DAB1: variants seen among roughly 807,000 people sequenced by gnomAD.
The protein encoded by DAB1 is DAB adaptor protein 1.
Under a neutral mutation model 64.6 loss-of-function variants are expected in DAB1, and 15 were observed. The ratio of observed to expected loss-of-function variants is 0.23; its 90% CI spans 0.16 to 0.36. The LOEUF (loss-of-function observed/expected upper bound fraction) is 0.36. Ranked by LOEUF, DAB1 falls within the 10% of genes least tolerant of loss-of-function variation. The pLI, the probability that DAB1 is intolerant of heterozygous loss-of-function variation, is 1.00. For missense variants in DAB1, 596 were observed against 706.7 expected, an observed-to-expected ratio of 0.84 and a Z score of 1.78; for synonymous variants, 235 against 251.9, an observed-to-expected ratio of 0.93 and a Z score of 0.64.
At chr1:57,060,120 T>C (rs972145111) in intron 9 of DAB1, among the ~76,000 whole-genome samples, 4 of 78,972 alleles carry the variant, frequency 5.1e-5, no homozygotes, top group African/African-American at 1.0e-4. Context: ...GAGTCATTCA[T>C]ATATTTTTTA....
chr1:57,222,729 C>T (rs1167700280), intron 2 of DAB1, among the ~76,000 whole-genome samples: 1 of 152,112 alleles, frequency 6.6e-6, no homozygotes, highest in African/African-American at 2.4e-5. Context: ...TACACGAGAC[C>T]CATTGTCATA....
At chr1:57,002,995 C>A (rs1193541614) in intron 14 of DAB1, among the ~76,000 whole-genome samples, 1 of 152,208 alleles carries the variant, frequency 6.6e-6, no homozygotes, top group African/African-American at 2.4e-5. Context: ...TTTATCCTCC[C>A]TTTATAGACA....
At chr1:58,039,579 C>T (rs539214328) in intron 5 of DAB1, among the ~76,000 whole-genome samples, 10 of 152,164 alleles carry the variant, frequency 6.6e-5, no homozygotes, top group African/African-American at 1.9e-4. Flanking sequence ...ACTTGACCCC[C>T]GCTCAGAGCC....
At chr1:57,320,220 C>T (rs938496449) in intron 1 of DAB1, among the ~76,000 whole-genome samples, 1 of 152,140 alleles carries the variant, frequency 6.6e-6, no homozygotes, top group Non-Finnish European at 1.5e-5. Context: ...TTCCCCTTTG[C>T]CTTATGCCAT....
chr1:57,110,176 A>G (rs1458142950), intron 4 of DAB1, among the ~76,000 whole-genome samples: 1 of 152,232 alleles, frequency 6.6e-6, no homozygotes, highest in African/African-American at 2.4e-5. Flanking sequence ...TCTGCTAGGA[A>G]TAAAAACATG....
rs192615086 is a variant in DAB1 at position 57,287,765 on chromosome 1, C to T, written c.67+3199G>A. ...AAATGAATTAATGCTGTTACCAGCACGTTTTCTCTCTCTTTTATTTATTTA... is the reference window on the plus strand; with the variant it reads ...AAATGAATTAATGCTGTTACCAGCATGTTTTCTCTCTCTTTTATTTATTTA... On this transcript the variant is annotated intron_variant, in intron 2 of 14. Coordinates refer to ENST00000371236, the MANE Select transcript of DAB1 (RefSeq NM_001365792.1). Among the ~76,000 whole-genome samples the T allele has an allele frequency of 5.6e-3, 667 of 118,884 alleles. 6 individuals are homozygous for T. Among genetic ancestry groups the T allele is most frequent in the African/African-American group, 0.021 (623 of 30,240 alleles). The allele number at this position is 118,884 out of a possible 152,430, so 78.0% of individuals were successfully genotyped here.
At chr1:58,322,001 C>T (rs1569640533) in intron 4 of DAB1, among the ~76,000 whole-genome samples, 2 of 152,198 alleles carry the variant, frequency 1.3e-5, no homozygotes, top group South Asian at 2.1e-4. Context: ...CTGGGGGATA[C>T]CTCCAAGTAG....
Position 57,207,446 on chromosome 1 carries a change from C to CTTTTTTTT in DAB1, c.68-62025_68-62018dup, listed in dbSNP as rs772989513. ...CTGTAATTCATACCTTATTTCCTTT[C>CTTTTTTTT]TTTTTTTTTTTTTTTGAGATGGAGT... On this transcript the variant is annotated intron_variant, in intron 2 of 14. Coordinates refer to ENST00000371236, the MANE Select transcript of DAB1 (RefSeq NM_001365792.1). 5.5e-4 allele frequency among the ~76,000 whole-genome samples: 54 copies of CTTTTTTTT among 98,448 alleles called. 4 individuals are homozygous for CTTTTTTTT. The highest frequency in any genetic ancestry group is 1.7e-3 in the African/African-American group (48 of 27,930). 64.6% of individuals were successfully genotyped at this position (98,448 alleles called of 152,430 possible). A position where few individuals can be genotyped will look rare whatever the true frequency, so the allele number is the denominator to read the frequency against.
At chr1:58,423,386 C>A (rs1468305303) in intron 3 of DAB1, among the ~76,000 whole-genome samples, 1 of 152,232 alleles carries the variant, frequency 6.6e-6, no homozygotes, top group African/African-American at 2.4e-5. Flanking sequence ...GCATTTCCTC[C>A]TTCTGCAATC....
At chr1:57,774,994 T>C (rs1293693202) in intron 6 of DAB1, among the ~76,000 whole-genome samples, 4 of 151,688 alleles carry the variant, frequency 2.6e-5, no homozygotes, top group African/African-American at 9.7e-5. Context: ...ATCAACTTTT[T>C]AAAGTTTTGC....
chr1:57,856,796 A>T (rs969206383), intron 1 of DAB1, among the ~76,000 whole-genome samples: 3 of 152,142 alleles, frequency 2.0e-5, no homozygotes, highest in African/African-American at 7.2e-5. Flanking sequence ...AAATAAATTA[A>T]AAGTAATGAT....
At chr1:57,121,585 C>G (rs1347391653) in intron 4 of DAB1, among the ~76,000 whole-genome samples, 1 of 151,922 alleles carries the variant, frequency 6.6e-6, no homozygotes, top group Non-Finnish European at 1.5e-5. Flanking sequence ...AAAAGAAAAC[C>G]CGGCACATTT....
At chr1:57,338,697 A>C (rs1481076714) in intron 1 of DAB1, among the ~76,000 whole-genome samples, 1 of 152,164 alleles carries the variant, frequency 6.6e-6, no homozygotes. Context: ...TCTTCATGCA[A>C]TCATTGTTCA....
In DAB1 at chr1:57,607,038, C is replaced by G. The variant is rs1433857874; in HGVS notation, n.625+42554G>C. On this transcript the variant is annotated intron_variant and non_coding_transcript_variant, in intron 7 of 20. Transcript: ENST00000485760. ...CTGACCTCAGATGATCCATCTGCCTCGGCCTCCCAATGTGCTGGGATTACA... is the reference window on the plus strand; with the variant it reads ...CTGACCTCAGATGATCCATCTGCCTGGGCCTCCCAATGTGCTGGGATTACA... Among the ~76,000 whole-genome samples, 6 of 117,916 alleles carry G rather than the reference C, an allele frequency of 5.1e-5. No homozygotes were observed. In the East Asian group the frequency reaches 1.6e-3, roughly 31 times the overall value. 77.4% of individuals were successfully genotyped at this position (117,916 alleles called of 152,430 possible). A position where few individuals can be genotyped will look rare whatever the true frequency, so the allele number is the denominator to read the frequency against.
At chr1:58,478,869 G>A (rs1299225157) in intron 3 of DAB1, among the ~76,000 whole-genome samples, 1 of 152,052 alleles carries the variant, frequency 6.6e-6, no homozygotes, top group Non-Finnish European at 1.5e-5. Context: ...AGTATTGACA[G>A]GAACAAAGTA....
intron 7 of DAB1, among the ~76,000 whole-genome samples, chr1:57,493,936 AT>A (rs1277842530): frequency 2.0e-5 from 3 of 152,170 alleles, no homozygotes; most frequent in African/African-American, 7.2e-5. Flanking sequence ...CTTTGTGTGT[AT>A]TTCGGCCATT....
chr1:57,199,643 G>C (rs1664929290), intron 2 of DAB1, among the ~76,000 whole-genome samples: 1 of 152,168 alleles, frequency 6.6e-6, no homozygotes, highest in South Asian at 2.1e-4. Flanking sequence ...AAGATGTTTG[G>C]GGAATAAAAC....
intron 5 of DAB1, among the ~76,000 whole-genome samples, chr1:58,068,388 T>C (rs1464982126): frequency 6.6e-6 from 1 of 152,162 alleles, no homozygotes; most frequent in Non-Finnish European, 1.5e-5. Context: ...TCACTATTTG[T>C]CAGGAACATA....
chr1:57,300,211 T>C (rs1205225443), intron 1 of DAB1, among the ~76,000 whole-genome samples: 1 of 152,222 alleles, frequency 6.6e-6, no homozygotes, highest in Non-Finnish European at 1.5e-5. Context: ...TATTCTTTGA[T>C]AGACCACTGT....
Sources: allele counts gnomAD v4.1 joint callset (sites outside exome capture counted in the v4.1 genomes callset), GRCh38; gene constraint gnomAD v4.1.1; transcripts MANE v1.5; gene names NCBI Gene and HGNC (gene_info 2026-07-23, HGNC 2026-07-21).